The following KAZN variants were observed in gnomAD, a reference collection of about 807,000 sequenced individuals.
The protein encoded by KAZN is kazrin.
KAZN carries 40 observed loss-of-function variants against 87.4 expected under a neutral mutation model. The observed-to-expected ratio is 0.46, with a 90% CI of 0.36 to 0.60. The LOEUF is 0.60. KAZN is among the 20% of genes least tolerant of loss of function. KAZN has a pLI of 0.00. For missense variants in KAZN, 898 were observed against 1,073.9 expected, an observed-to-expected ratio of 0.84 and a Z score of 2.29; for synonymous variants, 466 against 458.3, an observed-to-expected ratio of 1.02 and a Z score of -0.22.
At chr1:14,989,982 G>C (rs933424094) in intron 2 of KAZN, among the ~76,000 whole-genome samples, 1 of 152,158 alleles carries the variant, frequency 6.6e-6, no homozygotes, top group Non-Finnish European at 1.5e-5. Flanking sequence ...ACTCTGTCTT[G>C]TTTGATACAG....
chr1:14,919,683 C>T (rs1658281364), intron 1 of KAZN, among the ~76,000 whole-genome samples: 1 of 152,216 alleles, frequency 6.6e-6, no homozygotes, highest in Admixed American at 6.5e-5. Context: ...CTCAGTAAAA[C>T]ATCTTCTACA....
intron 2 of KAZN, among the ~76,000 whole-genome samples, chr1:14,246,262 G>A (rs192519373): frequency 7.4e-4 from 113 of 152,022 alleles, no homozygotes; most frequent in Non-Finnish European, 1.1e-3. Flanking sequence ...TGGGTGCAGC[G>A]GACCACCATG....
At chr1:15,087,227 G>A (rs1316764005) in intron 8 of KAZN, among the ~76,000 whole-genome samples, 6 of 152,092 alleles carry the variant, frequency 3.9e-5, no homozygotes, top group Non-Finnish European at 1.5e-5. Context: ...CACATTTGAA[G>A]TAAAAAGGAA....
At chr1:14,650,967 T>C (rs1638321343) in intron 1 of KAZN, among the ~76,000 whole-genome samples, 1 of 152,216 alleles carries the variant, frequency 6.6e-6, no homozygotes, top group African/African-American at 2.4e-5. Flanking sequence ...GAAAGTGTGG[T>C]AGAGGGAGAG....
chr1:14,311,329 T>G (rs905575046), intron 2 of KAZN, among the ~76,000 whole-genome samples: 1 of 152,206 alleles, frequency 6.6e-6, no homozygotes, highest in Non-Finnish European at 1.5e-5. Context: ...TAATAAAAAT[T>G]ACTTTGTGGA....
chr1:14,106,469 A>G (rs559915699), intron 1 of KAZN, among the ~76,000 whole-genome samples: 101 of 152,274 alleles, frequency 6.6e-4, no homozygotes, highest in African/African-American at 2.4e-3. Context: ...CCAGCCAGCC[A>G]TGCCCCTTCC....
At chr1:14,214,338 T>TG (rs1199262432) in intron 2 of KAZN, among the ~76,000 whole-genome samples, 2 of 152,166 alleles carry the variant, frequency 1.3e-5, no homozygotes, top group Admixed American at 6.6e-5. Context: ...ATTATGCCAG[T>TG]GGGGGCTGTG....
intron 1 of KAZN, among the ~76,000 whole-genome samples, chr1:13,935,293 T>C (rs550590263): frequency 1.5e-3 from 136 of 89,592 alleles, no homozygotes; most frequent in Non-Finnish European, 2.5e-3. Flanking sequence ...GACTAAGCAT[T>C]TTACATATAT....
intron 2 of KAZN, among the ~76,000 whole-genome samples, chr1:14,322,771 T>G (rs913681663): frequency 1.3e-5 from 2 of 152,208 alleles, no homozygotes; most frequent in Admixed American, 6.5e-5. Flanking sequence ...CACTATCTTG[T>G]GTGGCACCCA....
chr1:14,688,766 T>G (rs1641106974), intron 1 of KAZN, among the ~76,000 whole-genome samples: 1 of 152,254 alleles, frequency 6.6e-6, no homozygotes, highest in African/African-American at 2.4e-5. Context: ...TGTCTTTTAA[T>G]TCACGGATGT....
At chr1:14,365,432 C>CA (rs1439129019) in intron 2 of KAZN, among the ~76,000 whole-genome samples, 4 of 151,030 alleles carry the variant, frequency 2.6e-5, no homozygotes, top group Non-Finnish European at 5.9e-5. Context: ...CCTACTCCAG[C>CA]ATGACCTCAT....
chr1:14,471,933 T>C (rs757509607), intron 2 of KAZN, among the ~76,000 whole-genome samples: 1 of 152,184 alleles, frequency 6.6e-6, no homozygotes, highest in South Asian at 2.1e-4. Flanking sequence ...CCCGCTGCTA[T>C]CACAAAATAC....
intron 1 of KAZN, among the ~76,000 whole-genome samples, chr1:14,894,960 G>C (rs970757770): frequency 1.3e-5 from 2 of 152,250 alleles, no homozygotes; most frequent in African/African-American, 4.8e-5. Context: ...TCTGCCCCAG[G>C]GCATACTTAG....
intron 1 of KAZN, among the ~76,000 whole-genome samples, chr1:14,145,445 G>GA (rs943920251): frequency 6.6e-6 from 1 of 151,654 alleles, no homozygotes; most frequent in Non-Finnish European, 1.5e-5. Context: ...CCATGTCTCT[G>GA]AAAAAAAGAC....
intron 14 of KAZN, 123 bp from the exon 15 acceptor site, chr1:15,114,346 GCA>G (rs1641764891): frequency 1.3e-6 from 1 of 750,580 alleles, no homozygotes; most frequent in Admixed American, 2.5e-5. Context: ...AATAGGAGGA[GCA>G]CACAGAGGTT....
At chr1:14,108,520 A>G (rs1335458974) in intron 1 of KAZN, among the ~76,000 whole-genome samples, 1 of 152,104 alleles carries the variant, frequency 6.6e-6, no homozygotes, top group African/African-American at 2.4e-5. Context: ...TGCCAGACAG[A>G]TCTCCCTCCC....
intron 1 of KAZN, among the ~76,000 whole-genome samples, chr1:14,747,663 T>C (rs1017588955): frequency 6.6e-6 from 1 of 152,260 alleles, no homozygotes; most frequent in Admixed American, 6.5e-5. Context: ...AATGCTGTTA[T>C]GAACATTAAA....
intron 1 of KAZN, among the ~76,000 whole-genome samples, chr1:14,064,661 G>T (rs577097952): frequency 2.0e-5 from 3 of 152,140 alleles, no homozygotes; most frequent in Admixed American, 6.5e-5. Flanking sequence ...GAGGGTGTGC[G>T]CCTGAGAGCA....
chr1:13,974,021 G>A (rs1642225297), intron 1 of KAZN, among the ~76,000 whole-genome samples: 1 of 152,270 alleles, frequency 6.6e-6, no homozygotes, highest in South Asian at 2.1e-4. Flanking sequence ...ATGGGGCAAA[G>A]TCTGGTGGAA....
Sources: gnomAD v4.1 joint callset for allele counts (sites outside exome capture counted in the v4.1 genomes callset) on GRCh38, gnomAD v4.1.1 for gene constraint, MANE v1.5 for transcripts, NCBI Gene and HGNC (gene_info 2026-07-23, HGNC 2026-07-21) for gene names.